Variants in OR8G5 observed in about 807,000 individuals in gnomAD.
OR8G5 encodes the protein olfactory receptor 8G5.
For synonymous variants in OR8G5, 147 were observed against 147.7 expected, an observed-to-expected ratio of 1.00 and a Z score of 0.03; for missense variants, 347 against 371.9, an observed-to-expected ratio of 0.93 and a Z score of 0.55.
In OR8G5 at chr11:124,264,999, T is replaced by C; in HGVS notation, c.68T>C (p.Leu23Pro). 1.2e-6 allele frequency: 2 copies of C among 1,613,988 alleles called. No homozygotes were observed. The highest frequency in any genetic ancestry group is 1.7e-6 in the Non-Finnish European group (2 of 1,179,894). ...ILVGLTEKSELQLPLFLVFLG... is the reference protein window; with the variant it reads ...ILVGLTEKSEPQLPLFLVFLG... ...GTTGGGCTAACAGAGAAGTCAGAGC[T>C]ACAGCTGCCCCTCTTCCTCGTCTTC... Residue 23 changes from leucine to proline, a missense_variant, in exon 2 of 2, where the codon CTA becomes CCA. By Grantham distance (98) the Leu-to-Pro change is moderately conservative (BLOSUM62 -3). Transcript: ENST00000641992.
rs891136292 is a variant in OR8G5, at chr11:124,256,520, A to G, written c.-129A>G. The G allele has an allele frequency of 1.3e-5, 2 of 152,232 alleles. No individual in the cohort carries two copies. The highest frequency in any genetic ancestry group is 2.4e-5 in the African/African-American group (1 of 41,462). The allele number at this position is 152,232 out of a possible 1,614,324, so 9.4% of individuals were successfully genotyped here. A position where few individuals can be genotyped will look rare whatever the true frequency, so the allele number is the denominator to read the frequency against. On this transcript the variant is annotated 5_prime_UTR_variant, in exon 1 of 2. Coordinates refer to ENST00000641992, the MANE Select transcript of OR8G5 (RefSeq NM_001005198.2). ...CTTTGCAGTCTCAGGACTAAAGACT[A>G]CAGAACGCTGGCTTGGTACCTATGA...
Position 124,262,013 on chromosome 11 carries a change from G to A in OR8G5, c.-14-2905G>A, listed in dbSNP as rs565634232. Among the ~76,000 whole-genome samples the A allele has an allele frequency of 2.6e-4, 39 of 151,710 alleles. 1 individual carries two copies. The highest frequency in any genetic ancestry group is 2.0e-4 in the Admixed American group (3 of 15,216). ...AACTTGTGACAAGTAGCTAAAGTAG[G>A]GCTGAGAGGGAAATTTATACCTTAT... On this transcript the variant is annotated intron_variant, in intron 1 of 1. Transcript: ENST00000641992.
rs1189482692 is a variant in OR8G5, at chr11:124,265,656, G to A, written c.725G>A (p.Ser242Asn). Residue 242 changes from serine (S) to asparagine (N), a missense_variant, in exon 2 of 2, where the codon AGC becomes AAC. Transcript: ENST00000641992. ...AGGTCCAAAGCCTTCAGCACTTGCAGCTCCCACATCTCGGCTGTTTCTGTT... is the reference window on the plus strand; with the variant it reads ...AGGTCCAAAGCCTTCAGCACTTGCAACTCCCACATCTCGGCTGTTTCTGTT... Reference protein sequence around the residue: ...EGRSKAFSTCSSHISAVSVFF... With the variant: ...EGRSKAFSTCNSHISAVSVFF... The A allele has an allele frequency of 1.9e-6, 3 of 1,613,990 alleles. No individual in the cohort carries two copies. Among genetic ancestry groups the A allele is most frequent in the Non-Finnish European group, 2.5e-6 (3 of 1,179,904 alleles).
Position 124,265,767 on chromosome 11 carries a change from C to T in OR8G5, c.836C>T (p.Thr279Ile). Residue 279 changes from threonine (T) to isoleucine (I), a missense_variant, in exon 2 of 2, where the codon ACT becomes ATT. Thr to Ile is a moderately conservative substitution (Grantham distance 89, BLOSUM62 -1). Coordinates refer to ENST00000641992, the MANE Select transcript of OR8G5 (RefSeq NM_001005198.2). ...GGGAAAGTGTCCTCTGTGTTTTATA[C>T]TATTGTTGTGCCCATGCTGAACCCC... ...DQGKVSSVFY[T>I]IVVPMLNPLI... 6 of 1,614,158 alleles carry T rather than the reference C, an allele frequency of 3.7e-6. No homozygotes were observed. The highest frequency in any genetic ancestry group is 5.1e-6 in the Non-Finnish European group (6 of 1,180,010).
intron 1 of OR8G5, among the ~76,000 whole-genome samples, chr11:124,262,844 G>C (rs977454322): frequency 1.3e-5 from 2 of 152,036 alleles, no homozygotes; most frequent in African/African-American, 4.8e-5. Context: ...TAAATACTAA[G>C]AGGCAGAATT....
In OR8G5 at chr11:124,265,930, T is replaced by G. The variant is rs192325848; in HGVS notation, c.*63T>G. On this transcript the variant is annotated 3_prime_UTR_variant, in exon 2 of 2. Coordinates refer to ENST00000641992, the MANE Select transcript of OR8G5 (RefSeq NM_001005198.2). ...TTTTTGGCTATGATATTGTATGAAA[T>G]GATGTCTTTCACTTTAGTGCATCTG... 92 of 1,486,204 alleles carry G rather than the reference T, an allele frequency of 6.2e-5. No homozygotes were observed. The East Asian group carries it at 2.2e-3, about 35-fold the overall frequency. The allele number at this position is 1,486,204 out of a possible 1,614,324, so 92.1% of individuals were successfully genotyped here.
chr11:124,258,543 A>T (rs138764925), intron 1 of OR8G5, among the ~76,000 whole-genome samples: 4 of 152,182 alleles, frequency 2.6e-5, no homozygotes, highest in African/African-American at 9.6e-5. Flanking sequence ...GGGCAACAAG[A>T]GCGAGCGAGA....
intron 1 of OR8G5, among the ~76,000 whole-genome samples, chr11:124,263,005 G>T (rs1861988219): frequency 2.0e-5 from 3 of 148,446 alleles, no homozygotes. Flanking sequence ...GTTTTGTTTT[G>T]TTTTTTCTAT....
intron 1 of OR8G5, among the ~76,000 whole-genome samples, chr11:124,259,748 T>C (rs1400481603): frequency 6.6e-6 from 1 of 152,154 alleles, no homozygotes; most frequent in Non-Finnish European, 1.5e-5. Context: ...TGTTCAAATA[T>C]TTTCTTCTAC....
chr11:124,265,508 T>C lies in OR8G5; in HGVS notation c.577T>C (p.Tyr193His), dbSNP rs759938153. 6.2e-7 allele frequency: 1 copy of C among 1,613,968 alleles called. No individual in the cohort carries two copies. Among genetic ancestry groups the C allele is most frequent in the Middle Eastern group, 1.6e-4 (1 of 6,062 alleles). Residue 193 changes from tyrosine (Y) to histidine (H), a missense_variant, in exon 2 of 2, where the codon TAC (tyrosine) becomes CAC (histidine). Transcript: ENST00000641992. ...SILKLSCSSTYINELLILIFS... is the reference protein window; with the variant it reads ...SILKLSCSSTHINELLILIFS... Reference sequence around the variant, plus strand: ...CTTGAAGCTCTCCTGTTCTAGTACTTACATTAATGAGTTACTGATTTTAAT... The same window carrying C: ...CTTGAAGCTCTCCTGTTCTAGTACTCACATTAATGAGTTACTGATTTTAAT...
At chr11:124,261,055 A>G (rs996319791) in intron 1 of OR8G5, among the ~76,000 whole-genome samples, 5 of 151,786 alleles carry the variant, frequency 3.3e-5, no homozygotes, top group Non-Finnish European at 7.4e-5. Flanking sequence ...GCTTCCACGT[A>G]TGAGTAAGAA....
chr11:124,265,996 T>TAAC lies in OR8G5; in HGVS notation c.*129_*130insAAC, dbSNP rs1219290983. 5 of 1,160,600 alleles carry TAAC rather than the reference T, an allele frequency of 4.3e-6. No homozygotes were observed. The highest frequency in any genetic ancestry group is 5.9e-6 in the Non-Finnish European group (5 of 844,374). The allele number at this position is 1,160,600 out of a possible 1,614,324, so 71.9% of individuals were successfully genotyped here. On this transcript the variant is annotated 3_prime_UTR_variant, in exon 2 of 2. Transcript: ENST00000641992. ...ATTTGGGGGGATTTTACTGACGTTA[T>TAAC]GTCTTATGCACATGGTCTATTTCAT...
At chr11:124,257,244 G>A (rs1008622156) in intron 1 of OR8G5, among the ~76,000 whole-genome samples, 8 of 152,000 alleles carry the variant, frequency 5.3e-5, no homozygotes, top group African/African-American at 1.7e-4. Context: ...GTCATGCTGT[G>A]GTTAAATATA....
chr11:124,259,470 A>T (rs975210615), intron 1 of OR8G5, among the ~76,000 whole-genome samples: 20 of 152,158 alleles, frequency 1.3e-4, no homozygotes, highest in Non-Finnish European at 1.0e-4. Flanking sequence ...AAAGTTATTA[A>T]TTCTACAAAT....
Position 124,264,325 on chromosome 11 carries a change from C to G in OR8G5, c.-14-593C>G, listed in dbSNP as rs182895806. Among the ~76,000 whole-genome samples the G allele has an allele frequency of 1.4e-3, 213 of 152,288 alleles. 1 individual carries two copies. Among genetic ancestry groups the G allele is most frequent in the Non-Finnish European group, 1.1e-3 (73 of 68,030 alleles). On this transcript the variant is annotated intron_variant, in intron 1 of 1. Coordinates refer to ENST00000641992, the MANE Select transcript of OR8G5 (RefSeq NM_001005198.2). Reference sequence around the variant, plus strand: ...CCCTCAAGGGATGTCAGAGATACTTCCCTGTAGCTCAGAGATGACAAACTG... The same window carrying G: ...CCCTCAAGGGATGTCAGAGATACTTGCCTGTAGCTCAGAGATGACAAACTG...
chr11:124,264,345 A>G (rs1172752707), intron 1 of OR8G5, among the ~76,000 whole-genome samples: 4 of 152,212 alleles, frequency 2.6e-5, no homozygotes, highest in Non-Finnish European at 5.9e-5. Context: ...CAGAGATGAC[A>G]AACTGTATAA....
Position 124,265,864 on chromosome 11 carries a change from A to C in OR8G5, c.933A>C (p.Leu311Phe). Residue 311 changes from leucine (L) to phenylalanine (F), a missense_variant, in exon 2 of 2, where the codon TTA (leucine) becomes TTC (phenylalanine). Physicochemically the swap from Leu to Phe is conservative, Grantham distance 22. Coordinates refer to ENST00000641992, the MANE Select transcript of OR8G5 (RefSeq NM_001005198.2). ...LKKTLGKRTFL is the reference protein window; with the variant it reads ...LKKTLGKRTFF ...AAACGCTAGGGAAAAGAACATTCTTATGAACAGAAGTACAATGAAAAAGAT... is the reference window on the plus strand; with the variant it reads ...AAACGCTAGGGAAAAGAACATTCTTCTGAACAGAAGTACAATGAAAAAGAT... The C allele has an allele frequency of 6.2e-7, 1 of 1,607,660 alleles. No homozygotes were observed. Among genetic ancestry groups the C allele is most frequent in the Non-Finnish European group, 8.5e-7 (1 of 1,176,354 alleles).
rs1430968725 is a variant in OR8G5 at position 124,265,100 on chromosome 11, A to G, written c.169A>G (p.Thr57Ala). ...TLIGLSSHLH[T>A]PMYCFLSSLS... ...GATTGGGCTCAGTTCTCACCTGCAC[A>G]CACCTATGTACTGTTTCCTCAGCAG... The change falls in exon 2 of 2, where the codon ACA becomes GCA. Residue 57 changes from threonine to alanine, a missense_variant. Transcript: ENST00000641992. 6.2e-7 allele frequency: 1 copy of G among 1,614,134 alleles called. No homozygotes were observed. Among genetic ancestry groups the G allele is most frequent in the East Asian group, 2.2e-5 (1 of 44,878 alleles).
At chr11:124,263,223 C>T (rs974120210) in intron 1 of OR8G5, among the ~76,000 whole-genome samples, 1 of 152,110 alleles carries the variant, frequency 6.6e-6, no homozygotes, top group Admixed American at 6.6e-5. Context: ...TAAAAGTCCT[C>T]TGTCAGGCAT....
Sources: allele counts gnomAD v4.1 joint callset (sites outside exome capture counted in the v4.1 genomes callset), GRCh38; gene constraint gnomAD v4.1.1; transcripts MANE v1.5; gene names NCBI Gene and HGNC (gene_info 2026-07-23, HGNC 2026-07-21).